TRPM3: variants seen among roughly 807,000 people sequenced by gnomAD.
TRPM3 encodes transient receptor potential cation channel subfamily M member 3.
A neutral mutation model predicts 181.2 loss-of-function variants in TRPM3; 77 were observed. The observed-to-expected ratio is 0.42, with a 90% CI of 0.35 to 0.51. The LOEUF (loss-of-function observed/expected upper bound fraction) is 0.51. TRPM3 is among the 20% of genes least tolerant of loss of function. The pLI, the probability that TRPM3 is intolerant of heterozygous loss-of-function variation, is 0.01. For missense variants in TRPM3, 1,759 were observed against 2,196.7 expected (o/e 0.80, Z 3.98); for synonymous variants, 745 against 796.4 (o/e 0.94, Z 1.09).
chr9:70,586,945 C>G (rs901116145), intron 22 of TRPM3, among the ~76,000 whole-genome samples: 1 of 151,504 alleles, frequency 6.6e-6, no homozygotes, highest in Admixed American at 6.6e-5. Flanking sequence ...ATGACAAAAA[C>G]AACACTTTAA....
intron 1 of TRPM3, among the ~76,000 whole-genome samples, chr9:71,206,229 C>G (rs2079110449): frequency 6.6e-6 from 1 of 152,150 alleles, no homozygotes; most frequent in Admixed American, 6.6e-5. Flanking sequence ...AAAAGCTTTC[C>G]TATTTCTCCA....
intron 5 of TRPM3, among the ~76,000 whole-genome samples, chr9:70,840,960 T>A (rs2094589459): frequency 6.6e-6 from 1 of 152,172 alleles, no homozygotes; most frequent in African/African-American, 2.4e-5. Context: ...AGTTTGAGTT[T>A]ACAGGAGAGA....
intron 1 of TRPM3, among the ~76,000 whole-genome samples, chr9:71,314,489 A>G (rs1470957917): frequency 6.6e-6 from 1 of 152,118 alleles, no homozygotes. Context: ...TACCTACCCT[A>G]TTAATCCCAA....
At position 70,643,119 on chromosome 9, in the gene TRPM3, A is replaced by G. The variant is rs556554167; in HGVS notation, c.1346-2459T>C. Among the ~76,000 whole-genome samples, 123 of 152,372 alleles carry G rather than the reference A, an allele frequency of 8.1e-4. 1 individual carries two copies. Among genetic ancestry groups the G allele is most frequent in the Admixed American group, 3.3e-3 (51 of 15,302 alleles). On this transcript the variant is annotated intron_variant, in intron 9 of 25. Coordinates refer to ENST00000677713, the MANE Select transcript of TRPM3 (RefSeq NM_001366145.2). ...CACGTGGAATTTTCCATTAAAAATT[A>G]TCTCCTCAGGTAACAACAGGGACTG...
At chr9:71,223,804 A>T (rs950671330) in intron 1 of TRPM3, among the ~76,000 whole-genome samples, 2 of 152,218 alleles carry the variant, frequency 1.3e-5, no homozygotes, top group South Asian at 2.1e-4. Flanking sequence ...TCCTCTGTCT[A>T]TAGAAAGGAG....
intron 12 of TRPM3, 130 bp downstream of exon 12, chr9:70,635,081 A>G (rs1473593874): frequency 5.8e-6 from 4 of 686,734 alleles, no homozygotes; most frequent in South Asian, 5.4e-5. Flanking sequence ...ACACACACAC[A>G]CTGTTCTGAA....
chr9:71,435,141 C>T (rs1589016395), intron 1 of TRPM3, among the ~76,000 whole-genome samples: 1 of 152,038 alleles, frequency 6.6e-6, no homozygotes, highest in African/African-American at 2.4e-5. Context: ...TGAGTACAAT[C>T]CATTGGTTTT....
At chr9:70,686,718 C>T (rs1370568119) in intron 8 of TRPM3, among the ~76,000 whole-genome samples, 9 of 128,694 alleles carry the variant, frequency 7.0e-5, no homozygotes, top group African/African-American at 2.4e-4. Flanking sequence ...TCCTTCCTTC[C>T]TTCCTTCCTT....
chr9:70,656,887 C>A (rs1406104117), intron 9 of TRPM3, among the ~76,000 whole-genome samples: 1 of 149,886 alleles, frequency 6.7e-6, no homozygotes. Flanking sequence ...TAAAATGAAC[C>A]AGGAAATAAG....
At chr9:70,573,445 T>C (rs2053005159) in intron 22 of TRPM3, among the ~76,000 whole-genome samples, 1 of 152,208 alleles carries the variant, frequency 6.6e-6, no homozygotes, top group African/African-American at 2.4e-5. Context: ...TTCACCTATG[T>C]GAATGTCTGC....
At chr9:70,564,407 C>T (rs2049991556) in intron 22 of TRPM3, among the ~76,000 whole-genome samples, 2 of 152,184 alleles carry the variant, frequency 1.3e-5, no homozygotes, top group African/African-American at 4.8e-5. Context: ...GTGAAGGGAG[C>T]TGGAGTCCAT....
chr9:70,878,958 C>A (rs150634695), intron 1 of TRPM3, among the ~76,000 whole-genome samples: 1 of 152,070 alleles, frequency 6.6e-6, no homozygotes, highest in Non-Finnish European at 1.5e-5. Flanking sequence ...ATTACAATAA[C>A]GTTTCATAAT....
At chr9:70,688,859 G>T (rs376821763) in intron 8 of TRPM3, among the ~76,000 whole-genome samples, 1 of 152,068 alleles carries the variant, frequency 6.6e-6, no homozygotes, top group Admixed American at 6.6e-5. Context: ...TAAGCTTAAG[G>T]CATTCCAGGA....
intron 1 of TRPM3, among the ~76,000 whole-genome samples, chr9:71,026,731 G>T (rs1050636252): frequency 2.6e-5 from 4 of 152,108 alleles, no homozygotes; most frequent in Non-Finnish European, 5.9e-5. Context: ...AGAAAACAGT[G>T]GACTCCCCTG....
chr9:71,003,333 G>A (rs1455011207), intron 1 of TRPM3, among the ~76,000 whole-genome samples: 1 of 151,492 alleles, frequency 6.6e-6, no homozygotes, highest in African/African-American at 2.4e-5. Context: ...TTCTTCTATG[G>A]ATGGGCATTT....
chr9:71,141,405 A>G (rs1489074410), intron 1 of TRPM3, among the ~76,000 whole-genome samples: 1 of 152,202 alleles, frequency 6.6e-6, no homozygotes, highest in African/African-American at 2.4e-5. Flanking sequence ...CCACCCCTAC[A>G]GTTCAAAATG....
At chr9:71,425,713 C>G (rs1485691474) in intron 1 of TRPM3, among the ~76,000 whole-genome samples, 1 of 152,116 alleles carries the variant, frequency 6.6e-6, no homozygotes, top group African/African-American at 2.4e-5. Flanking sequence ...CATCATTTTC[C>G]TATTTAAAAC....
chr9:70,991,842 C>T (rs1010233591), intron 1 of TRPM3, among the ~76,000 whole-genome samples: 12 of 152,126 alleles, frequency 7.9e-5, no homozygotes, highest in African/African-American at 2.7e-4. Context: ...CCATCTGCTT[C>T]AAACTGTTTC....
chr9:71,348,768 A>G (rs1221530186), intron 1 of TRPM3, among the ~76,000 whole-genome samples: 1 of 151,542 alleles, frequency 6.6e-6, no homozygotes, highest in Non-Finnish European at 1.5e-5. Flanking sequence ...GTGGGGTTTC[A>G]CCATGTTGGC....
Sources: allele counts gnomAD v4.1 joint callset (sites outside exome capture counted in the v4.1 genomes callset), GRCh38; gene constraint gnomAD v4.1.1; transcripts MANE v1.5; gene names NCBI Gene and HGNC (gene_info 2026-07-23, HGNC 2026-07-21).